The following GRID2 variants were observed in gnomAD, a reference collection of about 807,000 sequenced individuals.
GRID2 encodes glutamate ionotropic receptor delta type subunit 2.
GRID2 carries 33 observed loss-of-function variants against 114.8 expected under a neutral mutation model. The ratio of observed to expected loss-of-function variants is 0.29; its 90% CI spans 0.22 to 0.38. The LOEUF (loss-of-function observed/expected upper bound fraction) is 0.38. Ranked by LOEUF, GRID2 falls within the 10% of genes least tolerant of loss-of-function variation. GRID2 has a pLI of 1.00. For missense variants in GRID2, 1,184 were observed against 1,257.7 expected (o/e 0.94, Z 0.89); for synonymous variants, 505 against 449.9 (o/e 1.12, Z -1.55).
intron 4 of GRID2, 28 bp from the exon 5 acceptor site, chr4:93,207,372 TTGAC>T (rs1179551834): frequency 3.3e-6 from 5 of 1,501,704 alleles, no homozygotes; most frequent in Non-Finnish European, 3.7e-6. Flanking sequence ...ATGATTAATT[TTGAC>T]TGATAGCTGA....
At chr4:93,376,806 C>G (rs924407631) in intron 8 of GRID2, among the ~76,000 whole-genome samples, 4 of 152,142 alleles carry the variant, frequency 2.6e-5, no homozygotes, top group African/African-American at 9.7e-5. Context: ...ACAACACACA[C>G]TGGGGCCTTC....
intron 2 of GRID2, among the ~76,000 whole-genome samples, chr4:92,888,395 G>A (rs989409991): frequency 2.0e-5 from 3 of 151,848 alleles, no homozygotes; most frequent in Non-Finnish European, 2.9e-5. Context: ...GTAATCTTTC[G>A]AATTTGCCCA....
chr4:93,043,156 C>A (rs1390125510), intron 2 of GRID2, among the ~76,000 whole-genome samples: 1 of 152,066 alleles, frequency 6.6e-6, no homozygotes, highest in Non-Finnish European at 1.5e-5. Context: ...TTCTTTTATA[C>A]CTATTGACTG....
chr4:93,207,629 A>G (rs1356489073), intron 5 of GRID2, among the ~76,000 whole-genome samples, 172 bp downstream of exon 5: 1 of 151,996 alleles, frequency 6.6e-6, no homozygotes, highest in Admixed American at 6.6e-5. Context: ...TAAAAATGAT[A>G]AAGGGTTTTA....
At chr4:92,304,848 G>T in intron 1 of GRID2, 104 bp downstream of exon 1, 1 of 828,190 alleles carries the variant, frequency 1.2e-6, no homozygotes, top group South Asian at 1.4e-5. Context: ...CTTGTTGGAG[G>T]TGGCTTCAGT....
intron 2 of GRID2, among the ~76,000 whole-genome samples, chr4:92,630,216 A>T (rs1409236204): frequency 6.6e-6 from 1 of 152,084 alleles, no homozygotes; most frequent in Admixed American, 6.6e-5. Flanking sequence ...ATGTGTTTTG[A>T]GGGAGCAGAA....
At chr4:93,809,660 A>G (rs1735094384) in exon 2 of GRID2, 1 of 152,224 alleles carries the variant, frequency 6.6e-6, no homozygotes, top group South Asian at 2.1e-4. Context: ...TTCATTGTTT[A>G]TATCAGTTTC....
chr4:92,541,111 G>A (rs1308266526), intron 1 of GRID2, among the ~76,000 whole-genome samples: 1 of 152,052 alleles, frequency 6.6e-6, no homozygotes, highest in Non-Finnish European at 1.5e-5. Context: ...CATGGACACA[G>A]GAAGGAGAAC....
At chr4:93,406,322 C>T (rs77553064) in intron 9 of GRID2, among the ~76,000 whole-genome samples, 2,074 of 152,238 alleles carry the variant, frequency 0.014, 43 homozygotes, top group African/African-American at 0.046. Context: ...TGGCAGTTTC[C>T]ATACTGGAGA....
At chr4:92,883,249 C>T (rs1410494266) in intron 2 of GRID2, among the ~76,000 whole-genome samples, 3 of 152,294 alleles carry the variant, frequency 2.0e-5, no homozygotes, top group East Asian at 3.9e-4. Context: ...CAAGTAACTC[C>T]TTATCTGTTC....
At chr4:93,736,715 T>C (rs1730951628) in intron 14 of GRID2, among the ~76,000 whole-genome samples, 1 of 151,996 alleles carries the variant, frequency 6.6e-6, no homozygotes, top group Admixed American at 6.6e-5. Context: ...AGTGATCCAT[T>C]ATTATTTTAG....
At chr4:92,564,783 A>G (rs1727256453) in intron 1 of GRID2, among the ~76,000 whole-genome samples, 1 of 152,026 alleles carries the variant, frequency 6.6e-6, no homozygotes, top group African/African-American at 2.4e-5. Context: ...ATTAAAAATA[A>G]TAAAGCCAAA....
intron 13 of GRID2, among the ~76,000 whole-genome samples, chr4:93,575,500 C>T (rs1233879125): frequency 6.6e-6 from 1 of 152,080 alleles, no homozygotes; most frequent in Non-Finnish European, 1.5e-5. Context: ...GAATCCTTCC[C>T]ATATCTGCCA....
chr4:92,353,983 A>G (rs1024144934), intron 1 of GRID2, among the ~76,000 whole-genome samples: 15 of 152,008 alleles, frequency 9.9e-5, no homozygotes, highest in Non-Finnish European at 2.2e-4. Flanking sequence ...CAGCCTTGCA[A>G]TGTTTTCAAG....
At chr4:92,935,210 A>C (rs1325279589) in intron 2 of GRID2, among the ~76,000 whole-genome samples, 1 of 146,468 alleles carries the variant, frequency 6.8e-6, no homozygotes. Flanking sequence ...CAACCCCATC[A>C]AAAAGTGGGC....
At chr4:93,059,660 T>C (rs1345132316) in intron 2 of GRID2, among the ~76,000 whole-genome samples, 1 of 152,160 alleles carries the variant, frequency 6.6e-6, no homozygotes, top group East Asian at 1.9e-4. Context: ...TCTATGGATA[T>C]GCCAAATATT....
chr4:92,552,938 A>C (rs1726666809), intron 1 of GRID2, among the ~76,000 whole-genome samples: 1 of 152,164 alleles, frequency 6.6e-6, no homozygotes, highest in African/African-American at 2.4e-5. Flanking sequence ...GATTTTGCCA[A>C]AGGTAGATCA....
At chr4:92,490,741 G>A (rs1042078945) in intron 1 of GRID2, among the ~76,000 whole-genome samples, 1 of 152,038 alleles carries the variant, frequency 6.6e-6, no homozygotes, top group African/African-American at 2.4e-5. Flanking sequence ...TTTCATAAGA[G>A]GCCGTCCTCT....
At chr4:93,784,071 C>CAAAAAAAAAAA (rs70942993) in intron 1 of GRID2, among the ~76,000 whole-genome samples, 1 of 38,986 alleles carries the variant, frequency 2.6e-5, no homozygotes, top group African/African-American at 1.2e-4. Flanking sequence ...GACTCCGTCT[C>CAAAAAAAAAAA]AAAAAAAAAA....
Sources: allele counts gnomAD v4.1 joint callset (sites outside exome capture counted in the v4.1 genomes callset), GRCh38; gene constraint gnomAD v4.1.1; transcripts MANE v1.5; gene names NCBI Gene and HGNC (gene_info 2026-07-23, HGNC 2026-07-21).